Variants in TANGO2 observed in about 807,000 individuals in gnomAD.
TANGO2 encodes transport and Golgi organization protein 2 homolog.
A neutral mutation model predicts 39.1 loss-of-function variants in TANGO2; 26 were observed. The observed-to-expected ratio is 0.67, with a 90% confidence interval of 0.49 to 0.92. The LOEUF is 0.92. Ranked by LOEUF, TANGO2 falls within the 40% of genes least tolerant of loss-of-function variation. The pLI is 0.00. For missense variants in TANGO2, 326 were observed against 360.1 expected (o/e 0.91, Z 0.77); for synonymous variants, 131 against 144.5 (o/e 0.91, Z 0.67).
chr22:20,027,042 G>A (rs536631501), intron 1 of TANGO2, among the ~76,000 whole-genome samples: 1 of 152,274 alleles, frequency 6.6e-6, no homozygotes, highest in South Asian at 2.1e-4. Context: ...CATGATCCTG[G>A]CATTTGCTCA....
intron 1 of TANGO2, among the ~76,000 whole-genome samples, chr22:20,036,172 A>C (rs1300159758): frequency 6.6e-6 from 1 of 152,134 alleles, no homozygotes; most frequent in Non-Finnish European, 1.5e-5. Context: ...CCCCCAAAAA[A>C]ACACCTGAAG....
At chr22:20,033,289 G>A in intron 1 of TANGO2, 1 of 506,654 alleles carries the variant, frequency 2.0e-6, no homozygotes, top group Non-Finnish European at 4.0e-6. Context: ...AGGCTGTCCG[G>A]AGATCTGTTT....
chr22:20,042,590 C>G (rs1449306247), intron 2 of TANGO2, among the ~76,000 whole-genome samples: 1 of 151,876 alleles, frequency 6.6e-6, no homozygotes, highest in Non-Finnish European at 1.5e-5. Flanking sequence ...ATGGTGAAAC[C>G]CCATCTCTAC....
chr22:20,028,883 C>T (rs184269508), intron 1 of TANGO2, among the ~76,000 whole-genome samples: 1 of 152,316 alleles, frequency 6.6e-6, no homozygotes, highest in African/African-American at 2.4e-5. Context: ...AAGGTTACTG[C>T]CCACCCTCCA....
chr22:20,017,214 T>G (rs1945245926), upstream of TANGO2: 1 of 152,268 alleles, frequency 6.6e-6, no homozygotes, highest in Non-Finnish European at 1.5e-5. Context: ...CAGCGCCTGC[T>G]ACTCGCTGCG....
intron 1 of TANGO2, among the ~76,000 whole-genome samples, chr22:20,027,886 G>C (rs1040631472): frequency 2.6e-5 from 4 of 152,012 alleles, no homozygotes; most frequent in Admixed American, 2.6e-4. Flanking sequence ...GCGCCCTCCG[G>C]CTCCTGGGTT....
rs2047613798 is a variant in TANGO2, at chr22:20,057,629, C to T, written c.451+1616C>T. 6.6e-6 allele frequency among the ~76,000 whole-genome samples: 1 copy of T among 152,212 alleles called. No homozygotes were observed. Among genetic ancestry groups the T allele is most frequent in the Non-Finnish European group, 1.5e-5 (1 of 68,032 alleles). On this transcript the variant is annotated intron_variant, in intron 6 of 8. Transcript: ENST00000327374. This position sits in a 1 kb window ranked among gnomAD's most constrained non-coding sequence, Gnocchi z 4.1. ...GGATGTGGCCCCAGAAGGTCCTGAG[C>T]TTGCAAAGGATTGTTCTGGCTGTCT...
In TANGO2 at chr22:20,052,533, G is replaced by A; in HGVS notation, c.214G>A (p.Ala72Thr). 1 of 1,604,008 alleles carries A rather than the reference G, an allele frequency of 6.2e-7. No individual in the cohort carries two copies. The highest frequency in any genetic ancestry group is 1.1e-5 in the South Asian group (1 of 89,074). Residue 72 changes from alanine to threonine, a missense_variant, in exon 4 of 9, where the codon GCA becomes ACA. Coordinates refer to ENST00000327374, the MANE Select transcript of TANGO2 (RefSeq NM_152906.7). ...LGISTRGKLAALTNYLQPQLD... is the reference protein window; with the variant it reads ...LGISTRGKLATLTNYLQPQLD... Reference sequence around the variant, plus strand: ...CATCAGCACACGTGGCAAGCTGGCAGCACTCACCAACTACCTGCAGCCGCA... The same window carrying A: ...CATCAGCACACGTGGCAAGCTGGCAACACTCACCAACTACCTGCAGCCGCA...
At chr22:20,028,498 G>A (rs1013933268) in intron 1 of TANGO2, among the ~76,000 whole-genome samples, 6 of 152,328 alleles carry the variant, frequency 3.9e-5, no homozygotes, top group Admixed American at 1.3e-4. Context: ...TAACAACTAT[G>A]GGTCCCACCA....
At chr22:20,042,558 G>C (rs908606616) in intron 2 of TANGO2, among the ~76,000 whole-genome samples, 4 of 152,108 alleles carry the variant, frequency 2.6e-5, no homozygotes, top group African/African-American at 9.7e-5. Context: ...GAGGTCAGGA[G>C]TTCAAGACCA....
At chr22:20,058,144 A>G (rs1569328680) in intron 6 of TANGO2, 1 of 152,062 alleles carries the variant, frequency 6.6e-6, no homozygotes, top group Non-Finnish European at 1.5e-5. Flanking sequence ...AACTGTCATC[A>G]CTACCTAATT....
At chr22:20,028,663 G>A (rs1201338856) in intron 1 of TANGO2, among the ~76,000 whole-genome samples, 2 of 152,212 alleles carry the variant, frequency 1.3e-5, no homozygotes, top group Non-Finnish European at 2.9e-5. Context: ...TGGTTGGTGT[G>A]GGGTGGGCGA....
At chr22:20,021,784 G>T (rs903422227) in intron 1 of TANGO2, among the ~76,000 whole-genome samples, 8 of 152,214 alleles carry the variant, frequency 5.3e-5, no homozygotes, top group African/African-American at 1.9e-4. Context: ...GGCTTTGCCC[G>T]TTTTCCTCTA....
chr22:20,036,906 G>A (rs2042950942), intron 2 of TANGO2, 52 bp downstream of exon 2: 2 of 1,614,176 alleles, frequency 1.2e-6, no homozygotes, highest in East Asian at 4.5e-5. Context: ...TGGGTGCCCA[G>A]CCAGTTCTCA....
At chr22:20,058,918 C>A (rs1373849425) in intron 6 of TANGO2, among the ~76,000 whole-genome samples, 1 of 152,154 alleles carries the variant, frequency 6.6e-6, no homozygotes, top group African/African-American at 2.4e-5. Context: ...ATGTAACATA[C>A]ATCCCATGTT....
intron 3 of TANGO2, among the ~76,000 whole-genome samples, chr22:20,049,465 A>G (rs1248887170): frequency 6.6e-6 from 1 of 152,116 alleles, no homozygotes; most frequent in Non-Finnish European, 1.5e-5. Flanking sequence ...GTTCAAGACC[A>G]GCCTGACCAA....
chr22:20,063,474 A>T (rs1239278009), intron 8 of TANGO2, 32 bp downstream of exon 8: 1 of 1,583,170 alleles, frequency 6.3e-7, no homozygotes. Context: ...GCCACCTCCT[A>T]TCCCATGTCC....
At chr22:20,043,552 G>A (rs1452039764) in intron 3 of TANGO2, 109 bp downstream of exon 3, 2 of 760,592 alleles carry the variant, frequency 2.6e-6, no homozygotes, top group Non-Finnish European at 4.4e-6. Context: ...GTGATGGCGG[G>A]GTGTAGAGGT....
chr22:20,056,166 T>G (rs2047296518), intron 6 of TANGO2, 153 bp downstream of exon 6: 1 of 724,262 alleles, frequency 1.4e-6, no homozygotes, highest in Non-Finnish European at 2.5e-6. Context: ...CACCTTGCCC[T>G]GCACCTGGAC....
Sources: gnomAD v4.1 joint callset for allele counts (sites outside exome capture counted in the v4.1 genomes callset) on GRCh38, gnomAD v4.1.1 for gene constraint, Gnocchi (gnomAD v3.1) non-coding constraint, MANE v1.5 for transcripts, NCBI Gene and HGNC (gene_info 2026-07-23, HGNC 2026-07-21) for gene names.